Variants in AAMP observed in about 807,000 individuals in gnomAD.
AAMP encodes angio-associated migratory cell protein.
Under a neutral mutation model 51.1 loss-of-function variants are expected in AAMP, and 12 were observed. The ratio of observed to expected loss-of-function variants is 0.23; its 90% CI spans 0.15 to 0.38. The LOEUF (loss-of-function observed/expected upper bound fraction) is 0.38, where lower values mean the gene tolerates loss of function less well. Among genes scored for constraint, AAMP ranks in the 10% least tolerant of loss-of-function variants. The probability of loss-of-function intolerance (pLI) is 1.00; values close to 1 mark genes in which losing one functional copy is unlikely to be tolerated. For synonymous variants in AAMP, 210 were observed against 218.7 expected (o/e 0.96, Z 0.35); for missense variants, 418 against 557.2 (o/e 0.75, Z 2.52).
Position 218,269,344 on chromosome 2 carries a change from C to A in AAMP, c.274+38G>T, listed in dbSNP as rs1690723652. ...CTGATGTTTAATGCTTACACGCCCA[C>A]CTAAACTGATTTGAGGTGGATCGCC... On this transcript the variant is annotated intron_variant, in intron 2 of 10. Transcript: ENST00000248450. 5 of 1,612,378 alleles carry A rather than the reference C, an allele frequency of 3.1e-6. No homozygotes were observed. In the East Asian group the frequency reaches 8.9e-5, roughly 29 times the overall value.
In AAMP at chr2:218,264,247, T is replaced by G; in HGVS notation, c.*286A>C. On this transcript the variant is annotated 3_prime_UTR_variant, in exon 11 of 11. Coordinates refer to ENST00000248450, the MANE Select transcript of AAMP (RefSeq NM_001087.5). The stretch of plus-strand genomic sequence containing the variant: ...GAACCTCAAACACCTACTCCCCACA[T>G]ACAAATACACACCCCATGGCTCACA... The G allele has an allele frequency of 2.2e-6, 1 of 464,840 alleles. No homozygotes were observed. Among genetic ancestry groups the G allele is most frequent in the South Asian group, 3.3e-5 (1 of 30,636 alleles). 28.8% of individuals were successfully genotyped at this position (464,840 alleles called of 1,614,324 possible). A position where few individuals can be genotyped will look rare whatever the true frequency, so the allele number is the denominator to read the frequency against.
intron 2 of AAMP, 33 bp downstream of exon 2, chr2:218,269,349 A>G: frequency 1.2e-6 from 2 of 1,612,686 alleles, no homozygotes; most frequent in East Asian, 2.2e-5. Flanking sequence ...GCCCACCTAA[A>G]CTGATTTGAG....
Position 218,267,658 on chromosome 2 carries a change from C to T in AAMP, c.275-45G>A, listed in dbSNP as rs74349235. ...ATGGGTAAGGGGACAGAGCTCCCAC[C>T]TAGGGCTCTGTCCTTCACAATCTTC... On this transcript the variant is annotated intron_variant, in intron 2 of 10. Transcript: ENST00000248450. This position sits in a 1 kb window ranked among gnomAD's most constrained non-coding sequence, Gnocchi z 4.6. The T allele has an allele frequency of 0.029, 47,319 of 1,611,468 alleles. 808 individuals are homozygous for T. The highest frequency in any genetic ancestry group is 0.04 in the Middle Eastern group (245 of 6,060).
chr2:218,264,768 C>A (rs1690581458), intron 10 of AAMP, among the ~76,000 whole-genome samples, 160 bp from the exon 11 acceptor site: 1 of 152,162 alleles, frequency 6.6e-6, no homozygotes, highest in Non-Finnish European at 1.5e-5. Flanking sequence ...TTAGAGGAAG[C>A]CCCCAGCACG....
chr2:218,266,388 T>A lies in AAMP; in HGVS notation c.679+55A>T. The A allele has an allele frequency of 1.9e-6, 3 of 1,590,886 alleles. No homozygotes were observed. Among genetic ancestry groups the A allele is most frequent in the Non-Finnish European group, 2.6e-6 (3 of 1,164,098 alleles). On this transcript the variant is annotated intron_variant, in intron 5 of 10. Transcript: ENST00000248450. The surrounding 1 kb of genome is among the most constrained non-coding windows in gnomAD (Gnocchi z 4.7). ...AGAAGGCTGCTCTGGGAGGTGTATA[T>A]CCCGGGATTCGGCCTCTGCACCCAG...
chr2:218,269,639 G>C (rs776424325), intron 1 of AAMP, 105 bp from the exon 2 acceptor site: 39 of 1,581,584 alleles, frequency 2.5e-5, no homozygotes, highest in Non-Finnish European at 2.8e-5. Context: ...GGCGAGAAGG[G>C]AAGGTGGAGT....
intron 2 of AAMP, among the ~76,000 whole-genome samples, chr2:218,268,852 C>G (rs1431951878): frequency 6.6e-6 from 1 of 152,032 alleles, no homozygotes; most frequent in Non-Finnish European, 1.5e-5. Flanking sequence ...GCGCCCGCTA[C>G]CACGCCCAGC....
chr2:218,266,121 C>T lies in AAMP; in HGVS notation c.706G>A (p.Asp236Asn). The T allele has an allele frequency of 1.2e-6, 2 of 1,614,164 alleles. No individual in the cohort carries two copies. Among genetic ancestry groups the T allele is most frequent in the Non-Finnish European group, 1.7e-6 (2 of 1,180,020 alleles). The stretch of plus-strand genomic sequence containing the variant: ...AGGTCCCAAATCCTGATGGTCCCAT[C>T]TTCATAGCCTACCACAGCTCTCTTC... ...DGKRAVVGYE[D>N]GTIRIWDLKQ... Residue 236 changes from aspartate (D) to asparagine (N), a missense_variant, in exon 6 of 11, where the codon GAT (aspartate) becomes AAT (asparagine). Asp to Asn is a conservative substitution (Grantham distance 23). Transcript: ENST00000248450. The surrounding 1 kb of genome is among the most constrained non-coding windows in gnomAD (Gnocchi z 4.7).
chr2:218,268,373 C>G (rs1412543427), intron 2 of AAMP, among the ~76,000 whole-genome samples: 1 of 152,086 alleles, frequency 6.6e-6, no homozygotes, highest in African/African-American at 2.4e-5. Flanking sequence ...GAATCTTGCT[C>G]TGTCGCCCAG....
intron 2 of AAMP, among the ~76,000 whole-genome samples, 182 bp downstream of exon 2, chr2:218,269,200 G>T (rs911467928): frequency 2.6e-5 from 4 of 152,194 alleles, no homozygotes; most frequent in Non-Finnish European, 5.9e-5. Flanking sequence ...AGGGTGTCTC[G>T]ACTGATGCCA....
In AAMP at chr2:218,267,871, AGAG is replaced by A. The variant is rs752280458; in HGVS notation, c.275-261_275-259del. Among the ~76,000 whole-genome samples, 21 of 152,214 alleles carry A rather than the reference AGAG, an allele frequency of 1.4e-4. No individual in the cohort carries two copies. The highest frequency in any genetic ancestry group is 2.2e-4 in the Non-Finnish European group (15 of 68,032). On this transcript the variant is annotated intron_variant, in intron 2 of 10. Transcript: ENST00000248450. The surrounding 1 kb of genome is among the most constrained non-coding windows in gnomAD (Gnocchi z 4.6). The stretch of plus-strand genomic sequence containing the variant: ...CCACCCAACACCAATGCCATGGACA[AGAG>A]GTGGGGACAGGTGCAGGGCTTACAG...
At chr2:218,264,854 G>A (rs1690583985) in intron 10 of AAMP, among the ~76,000 whole-genome samples, 166 bp downstream of exon 10, 1 of 152,114 alleles carries the variant, frequency 6.6e-6, no homozygotes, top group Admixed American at 6.5e-5. Flanking sequence ...GGGCCCCGGA[G>A]GGTCACTGTC....
In AAMP at chr2:218,266,504, A is replaced by G. The variant is rs1192259029; in HGVS notation, c.618T>C (p.Gly206=). 6.2e-7 allele frequency: 1 copy of G among 1,613,930 alleles called. No individual in the cohort carries two copies. The highest frequency in any genetic ancestry group is 8.5e-7 in the Non-Finnish European group (1 of 1,179,980). Residue 206 remains glycine, a synonymous_variant, in exon 5 of 11, where the codon GGT becomes GGC. Transcript: ENST00000248450. This position sits in a 1 kb window ranked among gnomAD's most constrained non-coding sequence, Gnocchi z 4.7. The part of the protein sequence containing the change: ...GNTWMWKVPN[G]DCKTFQGPNC... ...TGGGACCCTGGAAGGTCTTGCAGTC[A>G]CCATTCGGGACTTTCCACATCCAGG...
rs2168702 is a variant in AAMP, at chr2:218,267,549, A to T, written c.339T>A (p.Asp113Glu). The T allele has an allele frequency of 5.6e-6, 9 of 1,613,992 alleles. No homozygotes were observed. Among genetic ancestry groups the T allele is most frequent in the Non-Finnish European group, 6.8e-6 (8 of 1,180,032 alleles). ...TGAGCCGCCATACGAAGGCTTTGTC[A>T]TCTTCACCCCCGGTCACTGCCAAGG... ...TNTLAVTGGEDDKAFVWRLSD... is the reference protein window; with the variant it reads ...TNTLAVTGGEEDKAFVWRLSD... Residue 113 changes from aspartate (D) to glutamate (E), a missense_variant, in exon 3 of 11, where the codon GAT (aspartate) becomes GAA (glutamate). Coordinates refer to ENST00000248450, the MANE Select transcript of AAMP (RefSeq NM_001087.5). This position sits in a 1 kb window ranked among gnomAD's most constrained non-coding sequence, Gnocchi z 4.6.
At chr2:218,269,827 G>T in intron 1 of AAMP, 139 bp downstream of exon 1, 1 of 1,355,080 alleles carries the variant, frequency 7.4e-7, no homozygotes. Context: ...TAAGTGTGAG[G>T]GTGGGAGTGG....
Position 218,269,547 on chromosome 2 carries a change from G to C in AAMP, c.122-13C>G. 4.3e-6 allele frequency: 7 copies of C among 1,614,164 alleles called. No individual in the cohort carries two copies. The highest frequency in any genetic ancestry group is 5.9e-6 in the Non-Finnish European group (7 of 1,180,046). ...TGGGCCAGGTCATCTGCTTTGGGGAGAGGGTTAGAAGATGGGGCTCGGGAG... is the reference window on the plus strand; with the variant it reads ...TGGGCCAGGTCATCTGCTTTGGGGACAGGGTTAGAAGATGGGGCTCGGGAG... On this transcript the variant is annotated splice_polypyrimidine_tract_variant and intron_variant, in intron 1 of 10. Transcript: ENST00000248450.
intron 10 of AAMP, 118 bp from the exon 11 acceptor site, chr2:218,264,726 G>A: frequency 1.1e-6 from 1 of 936,396 alleles, no homozygotes; most frequent in East Asian, 2.5e-5. Context: ...CCTAGCACTG[G>A]GCCGACATCT....
At position 218,266,938 on chromosome 2, in the gene AAMP, A is replaced by G. The variant is rs201503868; in HGVS notation, c.443T>C (p.Leu148Pro). Residue 148 changes from leucine (L) to proline (P), a missense_variant, in exon 4 of 11, where the codon CTA becomes CCA. Physicochemically the swap from Leu to Pro is moderately conservative, Grantham distance 98. Transcript: ENST00000248450. This position sits in a 1 kb window ranked among gnomAD's most constrained non-coding sequence, Gnocchi z 4.7. The stretch of plus-strand genomic sequence containing the variant: ...GCCACTCATGTCCCCTGTGGCCACT[A>G]GAGTGGAGTCATGGCTGAAACCAGC... ...TCAGFSHDST[L>P]VATGDMSGLL... 6.2e-7 allele frequency: 1 copy of G among 1,614,138 alleles called. No individual in the cohort carries two copies. Among genetic ancestry groups the G allele is most frequent in the African/African-American group, 1.3e-5 (1 of 75,024 alleles).
chr2:218,264,795 C>T (rs1559491931), intron 10 of AAMP, among the ~76,000 whole-genome samples, 187 bp from the exon 11 acceptor site: 1 of 152,216 alleles, frequency 6.6e-6, no homozygotes, highest in Non-Finnish European at 1.5e-5. Flanking sequence ...GCAGAGCTGA[C>T]TCCGATGGGG....
Sources: allele counts gnomAD v4.1 joint callset (sites outside exome capture counted in the v4.1 genomes callset), GRCh38; gene constraint gnomAD v4.1.1; non-coding constraint Gnocchi (gnomAD v3.1); transcripts MANE v1.5; gene names NCBI Gene and HGNC (gene_info 2026-07-23, HGNC 2026-07-21).